Variants in KLHL42 observed in about 807,000 individuals in gnomAD.
KLHL42 encodes kelch like family member 42.
In KLHL42, 27 loss-of-function variants were observed where a neutral mutation model predicts 32.7. The ratio of observed to expected loss-of-function variants is 0.83; its 90% CI spans 0.61 to 1.14. KLHL42 has a LOEUF of 1.14. Ranked by LOEUF, KLHL42 falls within the 50% of genes most tolerant of loss-of-function variation. KLHL42 has a pLI of 0.00. For missense variants in KLHL42, 491 were observed against 560.8 expected, an observed-to-expected ratio of 0.88 and a Z score of 1.26; for synonymous variants, 267 against 248.2, an observed-to-expected ratio of 1.08 and a Z score of -0.71.
intron 2 of KLHL42, among the ~76,000 whole-genome samples, chr12:27,794,251 AG>A (rs2062209696): frequency 6.6e-6 from 1 of 152,104 alleles, no homozygotes; most frequent in Non-Finnish European, 1.5e-5. Flanking sequence ...GCTCCTTCTG[AG>A]GGCTCTAGGG....
intron 1 of KLHL42, among the ~76,000 whole-genome samples, chr12:27,784,313 T>C (rs980785260): frequency 6.6e-6 from 1 of 151,350 alleles, no homozygotes; most frequent in Non-Finnish European, 1.5e-5. Context: ...TTTTTTTTTT[T>C]TGTATTTTTA....
At chr12:27,791,968 G>T in intron 2 of KLHL42, 67 bp downstream of exon 2, 1 of 1,361,460 alleles carries the variant, frequency 7.3e-7, no homozygotes, top group Non-Finnish European at 1.0e-6. Context: ...AAGGGCAAGA[G>T]GGTGTCAGAG....
Position 27,780,556 on chromosome 12 carries a change from G to C in KLHL42, c.226G>C (p.Glu76Gln), listed in dbSNP as rs1354944867. The C allele has an allele frequency of 6.5e-7, 1 of 1,531,912 alleles. No homozygotes were observed. Among genetic ancestry groups the C allele is most frequent in the Admixed American group, 2.1e-5 (1 of 47,140 alleles). 94.9% of individuals were successfully genotyped at this position (1,531,912 alleles called of 1,614,324 possible). Residue 76 changes from glutamate (E) to glutamine (Q), a missense_variant, in exon 1 of 3, where the codon GAA (glutamate) becomes CAA (glutamine). Physicochemically the swap from Glu to Gln is conservative, Grantham distance 29. This residue lies in a region of KLHL42 where 248 missense variants were observed against 329.2 expected (regional missense o/e 0.75). Coordinates refer to ENST00000381271, the MANE Select transcript of KLHL42 (RefSeq NM_020782.2). The surrounding 1 kb of genome is among the most constrained non-coding windows in gnomAD (Gnocchi z 8.8). Reference sequence around the variant, plus strand: ...CTTCATCAACGCCGGCGGGGCCCGCGAAGGCTGGCTCCTGGGCCCGCGCGG... The same window carrying C: ...CTTCATCAACGCCGGCGGGGCCCGCCAAGGCTGGCTCCTGGGCCCGCGCGG... ...LDFINAGGAREGWLLGPRGEK... is the reference protein window; with the variant it reads ...LDFINAGGARQGWLLGPRGEK...
chr12:27,787,082 A>T (rs923365792), intron 1 of KLHL42, among the ~76,000 whole-genome samples: 4 of 152,094 alleles, frequency 2.6e-5, no homozygotes, highest in Non-Finnish European at 5.9e-5. Flanking sequence ...GTGCTATATG[A>T]CCATCAGAGG....
rs766218670 is a variant in KLHL42 at position 27,791,830 on chromosome 12, A to C, written c.995A>C (p.Asn332Thr). 9.9e-6 allele frequency: 16 copies of C among 1,614,058 alleles called. No individual in the cohort carries two copies. The highest frequency in any genetic ancestry group is 1.7e-5 in the Admixed American group (1 of 60,012). ...TGGAATTTTGTGGCGCCCTTACCCA[A>C]TCCTCTGGCTGAGTTCTCTGCCTGT... ...DAWNFVAPLP[N>T]PLAEFSACEC... Residue 332 changes from asparagine (N) to threonine (T), a missense_variant, in exon 2 of 3, where the codon AAT (asparagine) becomes ACT (threonine). This residue lies in a region of KLHL42 where 152 missense variants were observed against 125.9 expected (regional missense o/e 1.21). Coordinates refer to ENST00000381271, the MANE Select transcript of KLHL42 (RefSeq NM_020782.2).
In KLHL42 at chr12:27,797,737, G is replaced by A. The variant is rs1390417251; in HGVS notation, c.1089G>A (p.Gln363=). ...CAGACCGGAACATGAACATTTTGCAGTACTGCCCCTCTTCCGACATGTGGA... is the reference window on the plus strand; with the variant it reads ...CAGACCGGAACATGAACATTTTGCAATACTGCCCCTCTTCCGACATGTGGA... ...TTRDRNMNIL[Q]YCPSSDMWTL... is the part of the protein sequence containing the mutation. The change falls in exon 3 of 3, where the codon CAG becomes CAA. Residue 363 remains glutamine (Q), a synonymous_variant. Transcript: ENST00000381271. The A allele has an allele frequency of 1.4e-6, 1 of 709,048 alleles. No individual in the cohort carries two copies. Among genetic ancestry groups the A allele is most frequent in the Non-Finnish European group, 2.6e-6 (1 of 383,828 alleles). 43.9% of individuals were successfully genotyped at this position (709,048 alleles called of 1,614,324 possible).
intron 1 of KLHL42, among the ~76,000 whole-genome samples, chr12:27,784,535 G>A (rs547492322): frequency 2.6e-5 from 4 of 152,216 alleles, no homozygotes; most frequent in African/African-American, 7.2e-5. Flanking sequence ...GATCACTTGA[G>A]CCCAGGAACT....
At chr12:27,785,294 G>A (rs751580412) in intron 1 of KLHL42, among the ~76,000 whole-genome samples, 1 of 152,072 alleles carries the variant, frequency 6.6e-6, no homozygotes, top group African/African-American at 2.4e-5. Flanking sequence ...TCAACTCTTG[G>A]GCTCAAGCAA....
chr12:27,792,008 A>T, intron 2 of KLHL42, 107 bp downstream of exon 2: 1 of 873,694 alleles, frequency 1.1e-6, no homozygotes, highest in Non-Finnish European at 1.9e-6. Flanking sequence ...GTGTCATGTT[A>T]TGCTTTAATA....
At chr12:27,784,128 T>G (rs931384319) in intron 1 of KLHL42, among the ~76,000 whole-genome samples, 1 of 148,730 alleles carries the variant, frequency 6.7e-6, no homozygotes, top group Non-Finnish European at 1.5e-5. Context: ...GTGTTTTTTT[T>G]TTTTGTTTTT....
At position 27,784,340 on chromosome 12, in the gene KLHL42, A is replaced by G. The variant is rs543953206; in HGVS notation, c.872+3138A>G. On this transcript the variant is annotated intron_variant, in intron 1 of 2. Transcript: ENST00000381271. ...GTATTTTTAGTAGAGAAGGGGTTTC[A>G]CCTTGTTAGCCAGCATGGTCTCGAT... Among the ~76,000 whole-genome samples, 20 of 148,764 alleles carry G rather than the reference A, an allele frequency of 1.3e-4. No homozygotes were observed. In the South Asian group the frequency reaches 4.3e-3, roughly 32 times the overall value.
At chr12:27,795,687 A>G (rs1484766601) in intron 2 of KLHL42, among the ~76,000 whole-genome samples, 1 of 152,210 alleles carries the variant, frequency 6.6e-6, no homozygotes, top group Non-Finnish European at 1.5e-5. Flanking sequence ...GACTTTTAAA[A>G]TTTAGTAAAT....
At chr12:27,794,892 CT>C (rs2062212073) in intron 2 of KLHL42, among the ~76,000 whole-genome samples, 1 of 149,668 alleles carries the variant, frequency 6.7e-6, no homozygotes, top group Non-Finnish European at 1.5e-5. Context: ...TAGTTTTCAA[CT>C]TTTTCTTTAC....
chr12:27,784,677 T>C (rs925730778), intron 1 of KLHL42, among the ~76,000 whole-genome samples: 7 of 152,198 alleles, frequency 4.6e-5, no homozygotes, highest in African/African-American at 1.4e-4. Flanking sequence ...TCCCGCCAAA[T>C]TGCCCATCAA....
At position 27,800,080 on chromosome 12, in the gene KLHL42, T is replaced by C; in HGVS notation, c.*1914T>C. 1 of 982,720 alleles carries C rather than the reference T, an allele frequency of 1.0e-6. No homozygotes were observed. The highest frequency in any genetic ancestry group is 1.2e-6 in the Non-Finnish European group (1 of 827,414). 60.9% of individuals were successfully genotyped at this position (982,720 alleles called of 1,614,324 possible). A position where few individuals can be genotyped will look rare whatever the true frequency, so the allele number is the denominator to read the frequency against. ...TTAGATGGTGTTAACTTTTCGTTGCTGAAGAGCTTAACTTTTTAAAGGCTT... is the reference window on the plus strand; with the variant it reads ...TTAGATGGTGTTAACTTTTCGTTGCCGAAGAGCTTAACTTTTTAAAGGCTT... On this transcript the variant is annotated 3_prime_UTR_variant, in exon 3 of 3. Transcript: ENST00000381271.
chr12:27,802,155 CT>C lies in KLHL42; in HGVS notation c.*3990del, dbSNP rs1359050094. ...TTTTTGCTCTATGATTTTTTTCTCACTGCTTTTCAGTCTTCTCTGTACTTCA... is the reference window on the plus strand; with the variant it reads ...TTTTTGCTCTATGATTTTTTTCTCACGCTTTTCAGTCTTCTCTGTACTTCA... On this transcript the variant is annotated 3_prime_UTR_variant, in exon 3 of 3. Coordinates refer to ENST00000381271, the MANE Select transcript of KLHL42 (RefSeq NM_020782.2). The C allele has an allele frequency of 2.0e-5, 3 of 152,118 alleles. No individual in the cohort carries two copies. The highest frequency in any genetic ancestry group is 4.4e-5 in the Non-Finnish European group (3 of 68,012). 9.4% of individuals were successfully genotyped at this position (152,118 alleles called of 1,614,324 possible).
intron 1 of KLHL42, among the ~76,000 whole-genome samples, chr12:27,786,720 T>TTTG (rs34675907): frequency 3.2e-3 from 2 of 632 alleles, no homozygotes; most frequent in African/African-American, 6.7e-3. Context: ...ATTGAAAGAG[T>TTTG]TTTTTTTTTT....
chr12:27,783,674 C>T (rs2062158454), intron 1 of KLHL42, among the ~76,000 whole-genome samples: 1 of 152,064 alleles, frequency 6.6e-6, no homozygotes, highest in Admixed American at 6.5e-5. Context: ...CTCCGCCTCC[C>T]GGGTTCACGC....
chr12:27,792,985 A>G (rs576310526), intron 2 of KLHL42, among the ~76,000 whole-genome samples: 1 of 152,088 alleles, frequency 6.6e-6, no homozygotes, highest in South Asian at 2.1e-4. Context: ...TCCTGGGCTA[A>G]GTGATTGTTC....
Sources: gnomAD v4.1 joint callset for allele counts (sites outside exome capture counted in the v4.1 genomes callset) on GRCh38, gnomAD v4.1.1 for gene constraint, gnomAD v4.1.1 regional missense constraint, Gnocchi (gnomAD v3.1) non-coding constraint, MANE v1.5 for transcripts, NCBI Gene and HGNC (gene_info 2026-07-23, HGNC 2026-07-21) for gene names.